Variants in SGCZ observed in about 807,000 individuals in gnomAD.
SGCZ encodes the protein zeta-sarcoglycan.
In SGCZ, 40 loss-of-function variants were observed where a neutral mutation model predicts 41.3. That is an observed-to-expected ratio of 0.97 (90% CI 0.75 to 1.26). The LOEUF (loss-of-function observed/expected upper bound fraction) is 1.26, where lower values mean the gene tolerates loss of function less well. Among genes scored for constraint, SGCZ ranks in the 50% most tolerant of loss-of-function variants. SGCZ has a pLI of 0.00. For missense variants in SGCZ, 552 were observed against 369.8 expected, an observed-to-expected ratio of 1.49 and a Z score of -4.04; for synonymous variants, 206 against 137.5, an observed-to-expected ratio of 1.50 and a Z score of -3.49.
chr8:14,389,256 G>T (rs908324045), intron 2 of SGCZ, among the ~76,000 whole-genome samples: 1 of 151,772 alleles, frequency 6.6e-6, no homozygotes, highest in African/African-American at 2.4e-5. Context: ...AGTATAATTT[G>T]AAAAGTTTCC....
chr8:15,048,823 G>C (rs1339874803), intron 1 of SGCZ, among the ~76,000 whole-genome samples: 2 of 151,830 alleles, frequency 1.3e-5, no homozygotes, highest in Non-Finnish European at 2.9e-5. Context: ...TTTAACGTAA[G>C]AAAAGAGACT....
intron 1 of SGCZ, among the ~76,000 whole-genome samples, chr8:14,885,109 C>T (rs1804738312): frequency 6.6e-6 from 1 of 152,152 alleles, no homozygotes; most frequent in African/African-American, 2.4e-5. Flanking sequence ...AATCCCATCC[C>T]AGGTGGGCTT....
rs1798972236 is a variant in SGCZ, at chr8:14,243,689, C to A, written c.337-6010G>T. Among the ~76,000 whole-genome samples the A allele has an allele frequency of 2.0e-5, 3 of 152,098 alleles. No homozygotes were observed. In the South Asian group the frequency reaches 6.2e-4, roughly 31 times the overall value. ...ATATTTATTTTCACCTTCAGTTTCCCAGGCCTGAAATTCTTATCCATGTCT... is the reference window on the plus strand; with the variant it reads ...ATATTTATTTTCACCTTCAGTTTCCAAGGCCTGAAATTCTTATCCATGTCT... On this transcript the variant is annotated intron_variant, in intron 3 of 7. Coordinates refer to ENST00000382080, the MANE Select transcript of SGCZ (RefSeq NM_139167.4).
intron 1 of SGCZ, among the ~76,000 whole-genome samples, chr8:15,181,729 T>C (rs1343895480): frequency 6.6e-6 from 1 of 152,216 alleles, no homozygotes; most frequent in African/African-American, 2.4e-5. Flanking sequence ...TGAACAGTTG[T>C]TATGGGAAGT....
At chr8:15,203,332 G>A (rs78526575) in intron 1 of SGCZ, among the ~76,000 whole-genome samples, 20 of 152,084 alleles carry the variant, frequency 1.3e-4, no homozygotes, top group Admixed American at 4.6e-4. Flanking sequence ...TAACAAAATC[G>A]ACAGTAGTGG....
chr8:14,373,201 G>T (rs954618795), intron 2 of SGCZ, among the ~76,000 whole-genome samples: 2 of 152,124 alleles, frequency 1.3e-5, no homozygotes, highest in Non-Finnish European at 2.9e-5. Context: ...AAAGAGTGGG[G>T]TGGCTCCCAG....
chr8:14,860,069 C>T (rs1427615771), intron 1 of SGCZ, among the ~76,000 whole-genome samples: 1 of 150,090 alleles, frequency 6.7e-6, no homozygotes, highest in Non-Finnish European at 1.5e-5. Context: ...GTTCCCTCTC[C>T]ACTTTAAAGA....
At chr8:14,827,026 T>G (rs576283716) in intron 1 of SGCZ, among the ~76,000 whole-genome samples, 63 of 152,220 alleles carry the variant, frequency 4.1e-4, no homozygotes, top group African/African-American at 1.5e-3. Flanking sequence ...ATGTCCTGAA[T>G]GGTATTGCCT....
chr8:14,270,705 C>T (rs983564998), intron 3 of SGCZ, among the ~76,000 whole-genome samples: 18 of 151,914 alleles, frequency 1.2e-4, no homozygotes, highest in Admixed American at 3.9e-4. Context: ...GGAATAGTGC[C>T]GCAATAAACA....
At chr8:14,479,804 C>T (rs539934363) in intron 2 of SGCZ, among the ~76,000 whole-genome samples, 3 of 138,392 alleles carry the variant, frequency 2.2e-5, no homozygotes, top group African/African-American at 8.3e-5. Context: ...GGAGTGCAAT[C>T]GCATGATCTC....
intron 2 of SGCZ, among the ~76,000 whole-genome samples, chr8:14,540,586 T>C (rs9987090): frequency 0.01 from 1,573 of 152,014 alleles, 23 homozygotes; most frequent in African/African-American, 0.036. Context: ...TCTCCAAAAA[T>C]AGCTATATTT....
At chr8:15,213,770 G>A (rs1221953057) in intron 1 of SGCZ, among the ~76,000 whole-genome samples, 1 of 151,680 alleles carries the variant, frequency 6.6e-6, no homozygotes, top group African/African-American at 2.4e-5. Context: ...ACTGTTTTAT[G>A]TCTTGAGAAG....
chr8:14,253,806 T>A (rs1358984322), intron 3 of SGCZ, among the ~76,000 whole-genome samples: 1 of 152,120 alleles, frequency 6.6e-6, no homozygotes, highest in African/African-American at 2.4e-5. Context: ...CCACATCTAA[T>A]AAACATTAGC....
chr8:14,690,770 C>G (rs917435079), intron 1 of SGCZ, among the ~76,000 whole-genome samples: 6 of 152,094 alleles, frequency 3.9e-5, no homozygotes, highest in African/African-American at 7.2e-5. Flanking sequence ...TGACCTTCCC[C>G]AAGTGTTTTT....
At chr8:14,091,950 G>T (rs1801701424) in intron 7 of SGCZ, among the ~76,000 whole-genome samples, 1 of 152,082 alleles carries the variant, frequency 6.6e-6, no homozygotes, top group African/African-American at 2.4e-5. Context: ...TACAGTTTTA[G>T]GTTTTATGTT....
chr8:15,125,901 T>A (rs1807660573), intron 1 of SGCZ, among the ~76,000 whole-genome samples: 1 of 152,288 alleles, frequency 6.6e-6, no homozygotes, highest in East Asian at 1.9e-4. Context: ...ATCCCAGCAG[T>A]TTGGGAAGCC....
intron 2 of SGCZ, among the ~76,000 whole-genome samples, chr8:14,328,949 G>A (rs898034145): frequency 6.6e-6 from 1 of 152,208 alleles, no homozygotes; most frequent in Non-Finnish European, 1.5e-5. Context: ...GGAGGACACA[G>A]CAACACTGTG....
At position 14,481,477 on chromosome 8, in the gene SGCZ, A is replaced by G. The variant is rs956365845; in HGVS notation, c.234+73255T>C. Reference sequence around the variant, plus strand: ...CTTTTTGTGACAGTAATAGTAAAAAATAATTTTTATCAATCTCACAATAAA... The same window carrying G: ...CTTTTTGTGACAGTAATAGTAAAAAGTAATTTTTATCAATCTCACAATAAA... On this transcript the variant is annotated intron_variant, in intron 2 of 7. Coordinates refer to ENST00000382080, the MANE Select transcript of SGCZ (RefSeq NM_139167.4). Among the ~76,000 whole-genome samples, 4 of 152,312 alleles carry G rather than the reference A, an allele frequency of 2.6e-5. No individual in the cohort carries two copies. The East Asian group carries it at 7.7e-4, about 29-fold the overall frequency.
At chr8:14,502,098 T>C (rs78286610) in intron 2 of SGCZ, among the ~76,000 whole-genome samples, 2,554 of 152,198 alleles carry the variant, frequency 0.017, 82 homozygotes, top group African/African-American at 0.058. Context: ...TTACAATTCT[T>C]TGCCTTCAAC....
Sources: allele counts gnomAD v4.1 joint callset (sites outside exome capture counted in the v4.1 genomes callset), GRCh38; gene constraint gnomAD v4.1.1; transcripts MANE v1.5; gene names NCBI Gene and HGNC (gene_info 2026-07-23, HGNC 2026-07-21).